Variants in DIAPH3 observed in about 807,000 individuals in gnomAD.
The protein encoded by DIAPH3 is diaphanous related formin 3.
A neutral mutation model predicts 144.3 loss-of-function variants in DIAPH3; 117 were observed. The observed-to-expected ratio is 0.81, with a 90% CI of 0.70 to 0.95. DIAPH3 has a LOEUF of 0.95. Ranked by LOEUF, DIAPH3 falls within the 40% of genes least tolerant of loss-of-function variation. The pLI is 0.00. For synonymous variants in DIAPH3, 519 were observed against 488.9 expected (o/e 1.06, Z -0.81); for missense variants, 1,421 against 1,412.7 (o/e 1.01, Z -0.09).
chr13:59,924,986 A>C, intron 17 of DIAPH3, 116 bp from the exon 18 acceptor site: 1 of 1,451,326 alleles, frequency 6.9e-7, no homozygotes, highest in Non-Finnish European at 9.1e-7. Flanking sequence ...TTCTAAATAA[A>C]AGTTATAAAA....
At chr13:59,734,150 C>T (rs2036024559) in intron 27 of DIAPH3, among the ~76,000 whole-genome samples, 1 of 152,110 alleles carries the variant, frequency 6.6e-6, no homozygotes, top group African/African-American at 2.4e-5. Context: ...GGAGTTAGGT[C>T]ATATATAAAA....
At chr13:59,882,486 G>T (rs929271021) in intron 20 of DIAPH3, among the ~76,000 whole-genome samples, 6 of 152,102 alleles carry the variant, frequency 3.9e-5, no homozygotes, top group African/African-American at 1.4e-4. Flanking sequence ...TAAAAAGCCC[G>T]ACCAATGTTT....
intron 25 of DIAPH3, among the ~76,000 whole-genome samples, chr13:59,776,014 G>A (rs944636064): frequency 2.6e-5 from 4 of 152,146 alleles, no homozygotes; most frequent in African/African-American, 7.2e-5. Context: ...CTTTTTGCCC[G>A]TCCAGACAAG....
chr13:59,940,873 G>GA (rs1455956867), intron 17 of DIAPH3, among the ~76,000 whole-genome samples: 1 of 152,156 alleles, frequency 6.6e-6, no homozygotes, highest in East Asian at 1.9e-4. Context: ...TGTGATGACA[G>GA]AAGAACTAAA....
At chr13:59,731,030 G>C (rs769846025) in intron 27 of DIAPH3, among the ~76,000 whole-genome samples, 3 of 152,038 alleles carry the variant, frequency 2.0e-5, no homozygotes, top group African/African-American at 4.8e-5. Flanking sequence ...CTTCTAAAAA[G>C]CTCAGATCTT....
At chr13:59,847,065 G>A (rs1371845531) in intron 22 of DIAPH3, among the ~76,000 whole-genome samples, 4 of 152,070 alleles carry the variant, frequency 2.6e-5, no homozygotes, top group Admixed American at 1.3e-4. Flanking sequence ...GGCGACAGAG[G>A]GAGATCTTGT....
In DIAPH3 at chr13:59,723,059, T is replaced by C. The variant is rs116885858; in HGVS notation, c.3319+51130A>G. ...ATGAGGAAGAGGTTCTAAAACTCTATAGGAAAAATAACTCTTCAGAATAAT... is the reference window on the plus strand; with the variant it reads ...ATGAGGAAGAGGTTCTAAAACTCTACAGGAAAAATAACTCTTCAGAATAAT... On this transcript the variant is annotated intron_variant, in intron 27 of 27. Transcript: ENST00000400324. Among the ~76,000 whole-genome samples, 16 of 152,264 alleles carry C rather than the reference T, an allele frequency of 1.1e-4. No individual in the cohort carries two copies. In the East Asian group the frequency reaches 3.1e-3, roughly 29 times the overall value.
At chr13:60,009,592 T>C (rs1334671158) in intron 8 of DIAPH3, among the ~76,000 whole-genome samples, 1 of 152,246 alleles carries the variant, frequency 6.6e-6, no homozygotes, top group Non-Finnish European at 1.5e-5. Context: ...TGAAGCTGTA[T>C]GCCTGGCTTT....
intron 17 of DIAPH3, among the ~76,000 whole-genome samples, chr13:59,925,123 T>G (rs563508969): frequency 6.6e-6 from 1 of 152,058 alleles, no homozygotes; most frequent in Non-Finnish European, 1.5e-5. Context: ...ATAAAACTTA[T>G]GTATACTATG....
chr13:60,083,621 A>T (rs2137824217), intron 4 of DIAPH3, among the ~76,000 whole-genome samples: 1 of 152,218 alleles, frequency 6.6e-6, no homozygotes, highest in South Asian at 2.1e-4. Context: ...ATTAAACAAG[A>T]CATAGAGATA....
rs150873562 is a variant in DIAPH3, at chr13:60,110,187, A to G, written c.390+1823T>C. Among the ~76,000 whole-genome samples the G allele has an allele frequency of 5.7e-4, 87 of 152,352 alleles. 1 individual carries two copies. The highest frequency in any genetic ancestry group is 3.4e-3 in the Middle Eastern group (1 of 294). ...AACAAAGTTGTTACTTCATGTAAAA[A>G]TTACTAAATACCTTTGATAATGATA... On this transcript the variant is annotated intron_variant, in intron 3 of 27. Coordinates refer to ENST00000400324, the MANE Select transcript of DIAPH3 (RefSeq NM_001042517.2).
At chr13:60,071,059 C>T (rs1659239825) in intron 4 of DIAPH3, among the ~76,000 whole-genome samples, 1 of 152,178 alleles carries the variant, frequency 6.6e-6, no homozygotes. Flanking sequence ...TTTATTCTCA[C>T]TTCCACTCAC....
At chr13:59,858,098 T>G (rs2043357854) in intron 22 of DIAPH3, among the ~76,000 whole-genome samples, 1 of 151,682 alleles carries the variant, frequency 6.6e-6, no homozygotes, top group African/African-American at 2.4e-5. Flanking sequence ...AGAAGGAAAG[T>G]CTGGGATATA....
At chr13:59,714,143 G>A (rs1402315667) in intron 27 of DIAPH3, among the ~76,000 whole-genome samples, 2 of 151,886 alleles carry the variant, frequency 1.3e-5, no homozygotes, top group South Asian at 2.1e-4. Flanking sequence ...GGCGGATCAC[G>A]AGGTCAGGAG....
At chr13:59,742,163 C>T (rs1431307309) in intron 27 of DIAPH3, among the ~76,000 whole-genome samples, 6 of 152,050 alleles carry the variant, frequency 3.9e-5, no homozygotes, top group Admixed American at 6.6e-5. Flanking sequence ...TGAGAGAAAC[C>T]ACCCCCATGA....
Position 59,764,342 on chromosome 13 carries a change from C to T in DIAPH3, c.3319+9847G>A, listed in dbSNP as rs764895539. 6.6e-5 allele frequency among the ~76,000 whole-genome samples: 10 copies of T among 151,548 alleles called. 1 individual carries two copies. The highest frequency in any genetic ancestry group is 2.4e-4 in the African/African-American group (10 of 41,220). On this transcript the variant is annotated intron_variant, in intron 27 of 27. Coordinates refer to ENST00000400324, the MANE Select transcript of DIAPH3 (RefSeq NM_001042517.2). Reference sequence around the variant, plus strand: ...GATGGTGGCTGAACTGCTCCTTTTCCAGTCCCATTTTCAGCTCTATGGCTC... The same window carrying T: ...GATGGTGGCTGAACTGCTCCTTTTCTAGTCCCATTTTCAGCTCTATGGCTC...
At chr13:59,995,944 T>C (rs1008388139) in intron 9 of DIAPH3, among the ~76,000 whole-genome samples, 10 of 151,814 alleles carry the variant, frequency 6.6e-5, no homozygotes, top group Non-Finnish European at 1.0e-4. Flanking sequence ...GGTTTCAACA[T>C]GGAGATTAGA....
intron 5 of DIAPH3, among the ~76,000 whole-genome samples, chr13:60,024,044 G>A (rs2054218858): frequency 6.7e-6 from 1 of 149,268 alleles, no homozygotes; most frequent in African/African-American, 2.5e-5. Context: ...TAGTAGAGAT[G>A]GGGTTTCACC....
chr13:59,989,007 T>C (rs2051620584), intron 12 of DIAPH3, among the ~76,000 whole-genome samples: 1 of 151,936 alleles, frequency 6.6e-6, no homozygotes, highest in African/African-American at 2.4e-5. Context: ...AATTTTTCCA[T>C]CCACCAATTC....
Sources: gnomAD v4.1 joint callset for allele counts (sites outside exome capture counted in the v4.1 genomes callset) on GRCh38, gnomAD v4.1.1 for gene constraint, MANE v1.5 for transcripts, NCBI Gene and HGNC (gene_info 2026-07-23, HGNC 2026-07-21) for gene names.